RXRA: variants seen among roughly 807,000 people sequenced by gnomAD.
RXRA encodes retinoic acid receptor RXR-alpha.
A neutral mutation model predicts 44.5 loss-of-function variants in RXRA; 5 were observed. That is an observed-to-expected ratio of 0.11 (90% CI 0.06 to 0.24). The LOEUF (loss-of-function observed/expected upper bound fraction) is 0.24. Ranked by LOEUF, RXRA falls within the 10% of genes least tolerant of loss-of-function variation. RXRA has a pLI of 1.00. For synonymous variants in RXRA, 291 were observed against 271.4 expected, an observed-to-expected ratio of 1.07 and a Z score of -0.71; for missense variants, 412 against 646.5, an observed-to-expected ratio of 0.64 and a Z score of 3.93.
At chr9:134,360,101 C>T (rs957645885) in intron 1 of RXRA, among the ~76,000 whole-genome samples, 6 of 152,192 alleles carry the variant, frequency 3.9e-5, no homozygotes, top group South Asian at 2.1e-4. Flanking sequence ...CTTTCGAGGC[C>T]GCTGAGGGGC....
In RXRA at chr9:134,417,440, G is replaced by C; in HGVS notation, c.780+113G>C. On this transcript the variant is annotated intron_variant, in intron 5 of 9. Coordinates refer to ENST00000481739, the MANE Select transcript of RXRA (RefSeq NM_002957.6). The surrounding 1 kb of genome is among the most constrained non-coding windows in gnomAD (Gnocchi z 6.1). ...CCAGAGAGGTCCTGGGGGCTGCCCT[G>C]GGCCCTGTGGCTGCCTCAGCTCGGC... 1 of 1,276,892 alleles carries C rather than the reference G, an allele frequency of 7.8e-7. No homozygotes were observed. Among genetic ancestry groups the C allele is most frequent in the Non-Finnish European group, 1.1e-6 (1 of 931,368 alleles). 79.1% of individuals were successfully genotyped at this position (1,276,892 alleles called of 1,614,324 possible). A position where few individuals can be genotyped will look rare whatever the true frequency, so the allele number is the denominator to read the frequency against.
intron 1 of RXRA, among the ~76,000 whole-genome samples, chr9:134,339,689 GTC>G (rs1554747847): frequency 1.3e-5 from 2 of 148,834 alleles, no homozygotes; most frequent in South Asian, 2.1e-4. Flanking sequence ...GTGTGTGTGT[GTC>G]TCTGTGTGTG....
At chr9:134,390,438 G>A (rs924519878) in intron 1 of RXRA, among the ~76,000 whole-genome samples, 8 of 152,206 alleles carry the variant, frequency 5.3e-5, no homozygotes, top group African/African-American at 1.4e-4. Flanking sequence ...TGGGGGGCCA[G>A]GCCCTACACA....
chr9:134,342,007 T>A lies in RXRA; in HGVS notation c.28+15348T>A, dbSNP rs537203623. Among the ~76,000 whole-genome samples, 4 of 151,624 alleles carry A rather than the reference T, an allele frequency of 2.6e-5. No individual in the cohort carries two copies. The South Asian group carries it at 6.2e-4, about 24-fold the overall frequency. ...GGTCTGTGAAGCCCAACCCTGGGGG[T>A]AGGGGCTGTCAGAGCATCCGGCTAG... is the stretch of plus-strand genomic sequence containing the variant. On this transcript the variant is annotated intron_variant, in intron 1 of 9. Coordinates refer to ENST00000481739, the MANE Select transcript of RXRA (RefSeq NM_002957.6). The surrounding 1 kb of genome is among the most constrained non-coding windows in gnomAD (Gnocchi z 4.4).
At position 134,421,979 on chromosome 9, in the gene RXRA, C is replaced by A. The variant is rs1204561191; in HGVS notation, c.910+174C>A. On this transcript the variant is annotated intron_variant, in intron 6 of 9. Coordinates refer to ENST00000481739, the MANE Select transcript of RXRA (RefSeq NM_002957.6). ...GGACACTCCCCTCTCCTGGGACACACTCCTACCTCCCGGGACACTCCCCCT... is the reference window on the plus strand; with the variant it reads ...GGACACTCCCCTCTCCTGGGACACAATCCTACCTCCCGGGACACTCCCCCT... The A allele has an allele frequency of 4.0e-6, 6 of 1,503,138 alleles. No homozygotes were observed. In the African/African-American group the frequency reaches 8.4e-5, roughly 21 times the overall value. The allele number at this position is 1,503,138 out of a possible 1,614,324, so 93.1% of individuals were successfully genotyped here. A position where few individuals can be genotyped will look rare whatever the true frequency, so the allele number is the denominator to read the frequency against.
intron 1 of RXRA, among the ~76,000 whole-genome samples, chr9:134,363,437 A>G (rs1393860336): frequency 6.6e-6 from 1 of 152,158 alleles, no homozygotes; most frequent in African/African-American, 2.4e-5. Flanking sequence ...TTTCTCATCT[A>G]AAGCCCAGCC....
Position 134,408,145 on chromosome 9 carries a change from C to A in RXRA, c.280-4C>A. On this transcript the variant is annotated splice_polypyrimidine_tract_variant and splice_region_variant and intron_variant, in intron 2 of 9. Transcript: ENST00000481739. ...CCGCTGACTGCTGTGGTTGCCCCCC[C>A]CAGCTCAGCTCACCTATGAACCCCG... 6.5e-7 allele frequency: 1 copy of A among 1,547,502 alleles called. No homozygotes were observed. The highest frequency in any genetic ancestry group is 8.7e-7 in the Non-Finnish European group (1 of 1,149,078).
At chr9:134,394,494 G>T (rs1347619845) in intron 1 of RXRA, among the ~76,000 whole-genome samples, 2 of 152,138 alleles carry the variant, frequency 1.3e-5, no homozygotes, top group Non-Finnish European at 2.9e-5. Context: ...GCTTGGAGAA[G>T]GTCAAGGTGT....
intron 5 of RXRA, among the ~76,000 whole-genome samples, chr9:134,418,699 C>G (rs116125327): frequency 0.012 from 1,759 of 152,302 alleles, 31 homozygotes; most frequent in African/African-American, 0.038. Flanking sequence ...AGCACCTGAT[C>G]TTTTCTCTGT....
intron 1 of RXRA, among the ~76,000 whole-genome samples, chr9:134,357,780 C>A (rs1004640987): frequency 1.3e-5 from 2 of 152,348 alleles, no homozygotes; most frequent in East Asian, 3.9e-4. Context: ...CGGGAAATTA[C>A]GTGTTCTTAG....
At chr9:134,374,807 G>A (rs947609007) in intron 1 of RXRA, among the ~76,000 whole-genome samples, 4 of 152,220 alleles carry the variant, frequency 2.6e-5, no homozygotes, top group East Asian at 1.9e-4. Flanking sequence ...GCAGTGCCTC[G>A]TGTTACTGCT....
At position 134,439,750 on chromosome 9, in the gene RXRA, GAC is replaced by G. The variant is rs1831698419; in HGVS notation, c.*3137_*3138del. 1 of 152,300 alleles carries G rather than the reference GAC, an allele frequency of 6.6e-6. No homozygotes were observed. The highest frequency in any genetic ancestry group is 1.5e-5 in the Non-Finnish European group (1 of 68,062). The allele number at this position is 152,300 out of a possible 1,614,324, so 9.4% of individuals were successfully genotyped here. On this transcript the variant is annotated 3_prime_UTR_variant, in exon 10 of 10. Transcript: ENST00000481739. ...TAAACATGTATGTGCTGTACAGAGAGACGCGTGTGGAGAGAGCCGCACACCAG... is the reference window on the plus strand; with the variant it reads ...TAAACATGTATGTGCTGTACAGAGAGGCGTGTGGAGAGAGCCGCACACCAG...
chr9:134,334,039 G>A (rs1835047675), intron 1 of RXRA, among the ~76,000 whole-genome samples: 2 of 152,240 alleles, frequency 1.3e-5, no homozygotes, highest in African/African-American at 4.8e-5. Context: ...TTCAGCTCCC[G>A]CTGGCAAGCC....
chr9:134,409,572 C>T (rs1474531099), intron 4 of RXRA, among the ~76,000 whole-genome samples: 2 of 152,320 alleles, frequency 1.3e-5, no homozygotes, highest in South Asian at 2.1e-4. Context: ...AAATCTGTGT[C>T]GGGGCGGTTT....
intron 7 of RXRA, among the ~76,000 whole-genome samples, chr9:134,429,581 G>T (rs977462151): frequency 9.8e-5 from 15 of 152,344 alleles, no homozygotes; most frequent in African/African-American, 3.6e-4. Flanking sequence ...ATTCCAGTTG[G>T]CATGTCGCAG....
At chr9:134,411,027 G>T (rs1588295664) in intron 4 of RXRA, among the ~76,000 whole-genome samples, 1 of 152,226 alleles carries the variant, frequency 6.6e-6, no homozygotes, top group Admixed American at 6.5e-5. Context: ...CCGGTGAGAC[G>T]CAGGCAGGCA....
chr9:134,385,636 C>T (rs1830708261), intron 1 of RXRA, among the ~76,000 whole-genome samples: 2 of 152,210 alleles, frequency 1.3e-5, no homozygotes, highest in African/African-American at 2.4e-5. Context: ...TGAGGGCCTG[C>T]GCGAGCGGTG....
At chr9:134,328,901 C>A (rs1332851649) in intron 1 of RXRA, among the ~76,000 whole-genome samples, 1 of 152,190 alleles carries the variant, frequency 6.6e-6, no homozygotes, top group African/African-American at 2.4e-5. Flanking sequence ...TCCACCGAGC[C>A]GCTCAGTGAG....
chr9:134,361,703 G>A (rs762853402), intron 1 of RXRA, among the ~76,000 whole-genome samples: 2 of 152,168 alleles, frequency 1.3e-5, no homozygotes, highest in Non-Finnish European at 2.9e-5. Context: ...GATTAACATC[G>A]GAGGGACTCT....
Sources: allele counts gnomAD v4.1 joint callset (sites outside exome capture counted in the v4.1 genomes callset), GRCh38; gene constraint gnomAD v4.1.1; non-coding constraint Gnocchi (gnomAD v3.1); transcripts MANE v1.5; gene names NCBI Gene and HGNC (gene_info 2026-07-23, HGNC 2026-07-21).